Variants in MYO10 observed in about 807,000 individuals in gnomAD.
The protein encoded by MYO10 is unconventional myosin-X.
Under a neutral mutation model 257.3 loss-of-function variants are expected in MYO10, and 133 were observed. That is an observed-to-expected ratio of 0.52 (90% CI 0.45 to 0.60). The LOEUF (loss-of-function observed/expected upper bound fraction) is 0.60, where lower values mean the gene tolerates loss of function less well. MYO10 is among the 20% of genes least tolerant of loss of function. MYO10 has a pLI of 0.00. For synonymous variants in MYO10, 1,104 were observed against 1,028.6 expected (o/e 1.07, Z -1.40); for missense variants, 2,399 against 2,635.7 (o/e 0.91, Z 1.97).
intron 2 of MYO10, among the ~76,000 whole-genome samples, chr5:16,865,292 G>A (rs1048315807): frequency 3.3e-5 from 5 of 152,024 alleles, no homozygotes; most frequent in African/African-American, 7.2e-5. Flanking sequence ...CCCTTCACCC[G>A]CATGCAGGGA....
At chr5:16,859,207 A>G (rs1402868039) in intron 2 of MYO10, among the ~76,000 whole-genome samples, 2 of 152,210 alleles carry the variant, frequency 1.3e-5, no homozygotes, top group Middle Eastern at 3.4e-3. Context: ...ATAGAAATCT[A>G]TTTCTCCTGG....
At position 16,766,183 on chromosome 5, in the gene MYO10, G is replaced by A. The variant is rs1159752259; in HGVS notation, c.1076C>T (p.Ala359Val). 6.2e-6 allele frequency: 10 copies of A among 1,613,150 alleles called. No homozygotes were observed. The highest frequency in any genetic ancestry group is 8.5e-6 in the Non-Finnish European group (10 of 1,179,412). ...TGTTGGGTCCAGCCCAAGTAACTCC[G>A]CAGATCTGCCCAAAGCTGCAGAGAA... ...VSFKTALGRS[A>V]ELLGLDPTQL... Residue 359 changes from alanine to valine, a missense_variant, in exon 11 of 41, where the codon GCG becomes GTG. By Grantham distance (64) the Ala-to-Val change is moderately conservative. Transcript: ENST00000513610.
chr5:16,727,380 T>C (rs1036853768), intron 19 of MYO10, among the ~76,000 whole-genome samples: 2 of 152,230 alleles, frequency 1.3e-5, no homozygotes, highest in Non-Finnish European at 2.9e-5. Context: ...ACCTGCAGCA[T>C]GTTTTGTATA....
rs369400007 is a variant in MYO10 at position 16,924,853 on chromosome 5, CAG to C, written c.21+10933_21+10934del. Among the ~76,000 whole-genome samples, 1,030 of 106,602 alleles carry C rather than the reference CAG, an allele frequency of 9.7e-3. 12 individuals carry two copies. The highest frequency in any genetic ancestry group is 0.037 in the African/African-American group (976 of 26,374). 69.9% of individuals were successfully genotyped at this position (106,602 alleles called of 152,430 possible). ...CACTTTTTTTTTTTTTTTTTTGAGACAGAGTCTCACTTTGTCACCCAGGCTGG... is the reference window on the plus strand; with the variant it reads ...CACTTTTTTTTTTTTTTTTTTGAGACAGTCTCACTTTGTCACCCAGGCTGG... On this transcript the variant is annotated intron_variant, in intron 1 of 40. Coordinates refer to ENST00000513610, the MANE Select transcript of MYO10 (RefSeq NM_012334.3).
chr5:16,857,276 C>T (rs891896607), intron 2 of MYO10, among the ~76,000 whole-genome samples: 3 of 152,194 alleles, frequency 2.0e-5, no homozygotes, highest in African/African-American at 7.2e-5. Context: ...GCACTCAAGA[C>T]TACATATGGT....
At chr5:16,700,915 G>T in intron 25 of MYO10, 48 bp downstream of exon 25, 1 of 1,498,436 alleles carries the variant, frequency 6.7e-7, no homozygotes, top group South Asian at 1.3e-5. Context: ...ACAGGGGTGG[G>T]TGTGACCGGC....
Position 16,849,740 on chromosome 5 carries a change from T to C in MYO10, c.120+27869A>G, listed in dbSNP as rs948187638. On this transcript the variant is annotated intron_variant, in intron 2 of 40. Coordinates refer to ENST00000513610, the MANE Select transcript of MYO10 (RefSeq NM_012334.3). ...AGGAGATACTTGTTCGCAAAATACT[T>C]GAACTAGTAAACTTAGTTGTGGGGG... is the stretch of plus-strand genomic sequence containing the variant. Among the ~76,000 whole-genome samples, 9 of 152,202 alleles carry C rather than the reference T, an allele frequency of 5.9e-5. 1 individual carries two copies. The highest frequency in any genetic ancestry group is 5.9e-4 in the Admixed American group (9 of 15,280).
chr5:16,704,054 C>T (rs1738214522), intron 22 of MYO10, among the ~76,000 whole-genome samples: 1 of 151,884 alleles, frequency 6.6e-6, no homozygotes, highest in Non-Finnish European at 1.5e-5. Flanking sequence ...AGGCTGGGTA[C>T]GGTGGCTCAC....
intron 28 of MYO10, among the ~76,000 whole-genome samples, chr5:16,686,414 C>T (rs1422447504): frequency 2.0e-5 from 3 of 152,058 alleles, no homozygotes; most frequent in Non-Finnish European, 1.5e-5. Flanking sequence ...GGATGCTTAA[C>T]CGGTAAGTCT....
intron 19 of MYO10, among the ~76,000 whole-genome samples, chr5:16,721,831 T>C (rs142779711): frequency 3.9e-5 from 6 of 152,290 alleles, no homozygotes; most frequent in Non-Finnish European, 7.4e-5. Context: ...CACACATACA[T>C]GTCAATCTTT....
intron 1 of MYO10, among the ~76,000 whole-genome samples, chr5:16,924,200 T>G (rs1459622270): frequency 6.6e-6 from 1 of 151,728 alleles, no homozygotes; most frequent in Non-Finnish European, 1.5e-5. Flanking sequence ...TAAACGAACA[T>G]CAACAACCAC....
chr5:16,752,484 TG>T (rs912773392), intron 19 of MYO10, among the ~76,000 whole-genome samples: 6 of 152,164 alleles, frequency 3.9e-5, no homozygotes, highest in African/African-American at 1.4e-4. Flanking sequence ...GGTTTCATCA[TG>T]TTGGCCAGGC....
chr5:16,928,284 T>G (rs540212605), intron 1 of MYO10, among the ~76,000 whole-genome samples: 1 of 152,204 alleles, frequency 6.6e-6, no homozygotes, highest in South Asian at 2.1e-4. Context: ...AATCTTCACC[T>G]CCCGGATTCA....
At chr5:16,812,682 A>C (rs1354981515) in intron 3 of MYO10, among the ~76,000 whole-genome samples, 2 of 152,216 alleles carry the variant, frequency 1.3e-5, no homozygotes, top group Non-Finnish European at 2.9e-5. Context: ...CTTTCTAAAT[A>C]AACACTTGTT....
chr5:16,899,639 A>AC (rs1554007340), intron 1 of MYO10, among the ~76,000 whole-genome samples: 1 of 151,836 alleles, frequency 6.6e-6, no homozygotes, highest in Non-Finnish European at 1.5e-5. Context: ...AAAAAAAAAA[A>AC]AAACAAAAAA....
intron 1 of MYO10, among the ~76,000 whole-genome samples, chr5:16,918,054 T>C (rs1745873931): frequency 1.3e-5 from 2 of 152,214 alleles, no homozygotes; most frequent in South Asian, 4.1e-4. Context: ...CCACCTTAAC[T>C]AAATCACAGC....
intron 2 of MYO10, among the ~76,000 whole-genome samples, chr5:16,863,261 A>G (rs1744155682): frequency 6.6e-6 from 1 of 152,218 alleles, no homozygotes; most frequent in African/African-American, 2.4e-5. Context: ...GTCCTAACAG[A>G]TCTGATCCCC....
Position 16,745,381 on chromosome 5 carries a change from TA to T in MYO10, c.1929+9446del, listed in dbSNP as rs949882265. On this transcript the variant is annotated intron_variant, in intron 19 of 40. Coordinates refer to ENST00000513610, the MANE Select transcript of MYO10 (RefSeq NM_012334.3). ...ACCTTTCCCATGAACACTAAGGGCT[TA>T]AAAAACAAAAATTCAAAAGCAGACC... Among the ~76,000 whole-genome samples the T allele has an allele frequency of 3.2e-4, 48 of 151,578 alleles. 1 individual carries two copies. The highest frequency in any genetic ancestry group is 1.1e-3 in the African/African-American group (46 of 41,330).
At position 16,673,885 on chromosome 5, in the gene MYO10, G is replaced by A. The variant is rs766566839; in HGVS notation, c.4969C>T (p.Arg1657Trp). 3.8e-5 allele frequency: 61 copies of A among 1,613,472 alleles called. No individual in the cohort carries two copies. Among genetic ancestry groups the A allele is most frequent in the Middle Eastern group, 1.6e-4 (1 of 6,080 alleles). The stretch of plus-strand genomic sequence containing the variant: ...ATCTCGCTTCCTGGAAACTGTTCCC[G>A]TATCCTAGGAGGCAAACACTAACTG... ...KYLKFHLKRI[R>W]EQFPGSEMEK... is the part of the protein sequence containing the mutation. Residue 1657 changes from arginine (R) to tryptophan (W), a missense_variant, in exon 36 of 41, where the codon CGG (arginine) becomes TGG (tryptophan). This residue lies in a region of MYO10 where 1,820 missense variants were observed against 1,939.4 expected (regional missense o/e 0.94). Coordinates refer to ENST00000513610, the MANE Select transcript of MYO10 (RefSeq NM_012334.3).
Sources: allele counts gnomAD v4.1 joint callset (sites outside exome capture counted in the v4.1 genomes callset), GRCh38; gene constraint gnomAD v4.1.1; regional missense constraint gnomAD v4.1.1; transcripts MANE v1.5; gene names NCBI Gene and HGNC (gene_info 2026-07-23, HGNC 2026-07-21).